Variants in FMN2 observed in about 807,000 individuals in gnomAD.
FMN2 encodes formin 2.
FMN2 carries 51 observed loss-of-function variants against 142.3 expected under a neutral mutation model. The ratio of observed to expected loss-of-function variants is 0.36; its 90% CI spans 0.29 to 0.45. The LOEUF is 0.45. Ranked by LOEUF, FMN2 falls within the 20% of genes least tolerant of loss-of-function variation. FMN2 has a pLI of 1.00. For missense variants in FMN2, 1,936 were observed against 2,122.8 expected, an observed-to-expected ratio of 0.91 and a Z score of 1.73; for synonymous variants, 882 against 869.8, an observed-to-expected ratio of 1.01 and a Z score of -0.25.
At chr1:240,294,433 C>T (rs2102959919) in intron 7 of FMN2, among the ~76,000 whole-genome samples, 1 of 152,220 alleles carries the variant, frequency 6.6e-6, no homozygotes, top group Admixed American at 6.5e-5. Context: ...GTCAAAGGTC[C>T]TAGATATACT....
At chr1:240,297,672 T>C (rs1317932565) in intron 8 of FMN2, among the ~76,000 whole-genome samples, 1 of 150,368 alleles carries the variant, frequency 6.7e-6, no homozygotes, top group African/African-American at 2.5e-5. Context: ...TCACAAAATA[T>C]AAATTTATGA....
chr1:240,375,272 G>A (rs1214888620), intron 14 of FMN2, among the ~76,000 whole-genome samples: 1 of 152,164 alleles, frequency 6.6e-6, no homozygotes, highest in Non-Finnish European at 1.5e-5. Context: ...AATTACCAAA[G>A]TGATATGACA....
chr1:240,415,845 G>A (rs1298164560), intron 15 of FMN2, among the ~76,000 whole-genome samples: 1 of 152,130 alleles, frequency 6.6e-6, no homozygotes, highest in Non-Finnish European at 1.5e-5. Context: ...TCCCTGTCCT[G>A]GAAACACTGC....
At chr1:240,405,596 C>T (rs1391923945) in intron 15 of FMN2, among the ~76,000 whole-genome samples, 4 of 147,070 alleles carry the variant, frequency 2.7e-5, no homozygotes, top group Non-Finnish European at 5.9e-5. Context: ...CCAGCCTGGG[C>T]GACAAGAGCA....
At chr1:240,235,461 G>C (rs1199351895) in intron 6 of FMN2, among the ~76,000 whole-genome samples, 3 of 151,460 alleles carry the variant, frequency 2.0e-5, no homozygotes, top group Non-Finnish European at 4.4e-5. Flanking sequence ...TTCCAGGCTG[G>C]AGTGCAGTGG....
chr1:240,430,722 A>G (rs1241365217), intron 15 of FMN2, among the ~76,000 whole-genome samples: 1 of 151,452 alleles, frequency 6.6e-6, no homozygotes, highest in Admixed American at 6.6e-5. Flanking sequence ...ATTAAAAAAA[A>G]AAAAAAAAAA....
At position 240,173,764 on chromosome 1, in the gene FMN2, C is replaced by T. The variant is rs142391856; in HGVS notation, c.1783-4157C>T. Among the ~76,000 whole-genome samples, 722 of 152,304 alleles carry T rather than the reference C, an allele frequency of 4.7e-3. 1 individual carries two copies. The highest frequency in any genetic ancestry group is 6.9e-3 in the Non-Finnish European group (467 of 68,032). On this transcript the variant is annotated intron_variant, in intron 2 of 17. Coordinates refer to ENST00000319653, the MANE Select transcript of FMN2 (RefSeq NM_020066.5). Reference sequence around the variant, plus strand: ...ATGGGAGGCTTTGAGATTACTGTTACAGCCCAGTAATACATTACAGTTCTG... The same window carrying T: ...ATGGGAGGCTTTGAGATTACTGTTATAGCCCAGTAATACATTACAGTTCTG...
In FMN2 at chr1:240,159,970, T is replaced by C. The variant is rs1490896504; in HGVS notation, c.1783-17951T>C. Among the ~76,000 whole-genome samples the C allele has an allele frequency of 8.5e-3, 963 of 113,904 alleles. 20 individuals carry two copies. The highest frequency in any genetic ancestry group is 0.032 in the African/African-American group (910 of 28,782). The allele number at this position is 113,904 out of a possible 152,430, so 74.7% of individuals were successfully genotyped here. A position where few individuals can be genotyped will look rare whatever the true frequency, so the allele number is the denominator to read the frequency against. On this transcript the variant is annotated intron_variant, in intron 2 of 17. Coordinates refer to ENST00000319653, the MANE Select transcript of FMN2 (RefSeq NM_020066.5). ...ATATATCTATATCTGTGTATATATA[T>C]ATATACACACACACACACACACACA...
chr1:240,471,921 A>C (rs1176288745), intron 16 of FMN2: 1 of 154,792 alleles, frequency 6.5e-6, no homozygotes, highest in Non-Finnish European at 1.4e-5. Flanking sequence ...CTGGGATTGC[A>C]GGCATGAGCT....
chr1:240,347,245 C>T (rs1172976471), intron 13 of FMN2, among the ~76,000 whole-genome samples: 2 of 152,188 alleles, frequency 1.3e-5, no homozygotes, highest in African/African-American at 4.8e-5. Flanking sequence ...ACCATCCGTA[C>T]GGCCAGGGGA....
At chr1:240,392,901 C>G (rs898190500) in intron 15 of FMN2, among the ~76,000 whole-genome samples, 1 of 152,134 alleles carries the variant, frequency 6.6e-6, no homozygotes, top group African/African-American at 2.4e-5. Context: ...TTTCCATATT[C>G]AAAAGTGAAG....
intron 14 of FMN2, among the ~76,000 whole-genome samples, chr1:240,371,540 C>T (rs886282427): frequency 1.3e-5 from 2 of 152,006 alleles, no homozygotes; most frequent in Non-Finnish European, 2.9e-5. Flanking sequence ...AATTTTAAAC[C>T]TTTTTTGTTA....
chr1:240,237,422 T>A (rs1384909508), intron 6 of FMN2, among the ~76,000 whole-genome samples: 1 of 152,214 alleles, frequency 6.6e-6, no homozygotes, highest in African/African-American at 2.4e-5. Flanking sequence ...GTCAAGGTCT[T>A]GTCCGTTATC....
chr1:240,187,398 C>G (rs1298299560), intron 3 of FMN2, among the ~76,000 whole-genome samples: 1 of 151,944 alleles, frequency 6.6e-6, no homozygotes, highest in Non-Finnish European at 1.5e-5. Context: ...GATATAAACT[C>G]TCGTCTTCAC....
At chr1:240,445,566 G>A (rs1026488466) in intron 16 of FMN2, among the ~76,000 whole-genome samples, 1 of 152,174 alleles carries the variant, frequency 6.6e-6, no homozygotes, top group Admixed American at 6.5e-5. Flanking sequence ...TGGCAGGAAA[G>A]ATTAAGCACT....
intron 15 of FMN2, among the ~76,000 whole-genome samples, chr1:240,434,003 T>C (rs891244250): frequency 1.3e-5 from 2 of 152,200 alleles, no homozygotes; most frequent in African/African-American, 4.8e-5. Flanking sequence ...GGTACCTCGA[T>C]TCCATTGCAG....
intron 1 of FMN2, among the ~76,000 whole-genome samples, chr1:240,116,343 G>C (rs1187872545): frequency 6.6e-6 from 1 of 152,162 alleles, no homozygotes; most frequent in African/African-American, 2.4e-5. Flanking sequence ...AAAGAATGGG[G>C]TATTTAGAGA....
intron 6 of FMN2, among the ~76,000 whole-genome samples, chr1:240,216,903 C>T (rs1429987663): frequency 2.0e-5 from 3 of 151,612 alleles, no homozygotes; most frequent in Admixed American, 6.6e-5. Flanking sequence ...GAGCCGAGAT[C>T]GCGCCACTAC....
chr1:240,293,049 T>TTAG (rs1669847147), intron 7 of FMN2, among the ~76,000 whole-genome samples: 1 of 152,118 alleles, frequency 6.6e-6, no homozygotes, highest in Non-Finnish European at 1.5e-5. Flanking sequence ...GAGAACTTGT[T>TTAG]TAGGAGCACA....
Sources: allele counts gnomAD v4.1 joint callset (sites outside exome capture counted in the v4.1 genomes callset), GRCh38; gene constraint gnomAD v4.1.1; transcripts MANE v1.5; gene names NCBI Gene and HGNC (gene_info 2026-07-23, HGNC 2026-07-21).